The following C12orf54 variants were observed in gnomAD, a reference collection of about 807,000 sequenced individuals.
The protein encoded by C12orf54 is chromosome 12 open reading frame 54, also known as uncharacterized protein C12orf54.
Under a neutral mutation model 26.4 loss-of-function variants are expected in C12orf54, and 24 were observed. The ratio of observed to expected loss-of-function variants is 0.91; its 90% CI spans 0.66 to 1.28. C12orf54 has a LOEUF of 1.28. Among genes scored for constraint, C12orf54 ranks in the 50% most tolerant of loss-of-function variants. The pLI, the probability that C12orf54 is intolerant of heterozygous loss-of-function variation, is 0.00. For synonymous variants in C12orf54, 54 were observed against 47.0 expected, an observed-to-expected ratio of 1.15 and a Z score of -0.61; for missense variants, 154 against 150.9, an observed-to-expected ratio of 1.02 and a Z score of -0.11.
At chr12:48,415,950 A>T in the C12orf54 span, among the ~76,000 whole-genome samples, 1 of 152,160 alleles carries the variant, frequency 6.6e-6, no homozygotes, top group Non-Finnish European at 1.5e-5. Context: ...GACTTCAGTA[A>T]ATGATGTACC....
the C12orf54 span, among the ~76,000 whole-genome samples, chr12:48,440,243 A>G: frequency 6.6e-6 from 1 of 152,090 alleles, no homozygotes; most frequent in Admixed American, 6.5e-5. Flanking sequence ...AAAAGAAAGT[A>G]TTCTTGAGAA....
the C12orf54 span, among the ~76,000 whole-genome samples, chr12:48,429,783 A>G: frequency 1.3e-5 from 2 of 152,190 alleles, no homozygotes; most frequent in Non-Finnish European, 2.9e-5. Context: ...TCAAAATGCC[A>G]TCATCATTCT....
At chr12:48,427,480 A>G in the C12orf54 span, among the ~76,000 whole-genome samples, 6 of 152,104 alleles carry the variant, frequency 3.9e-5, no homozygotes, top group Admixed American at 6.6e-5. Flanking sequence ...TCAGTTTGCT[A>G]GTATTTTGTC....
chr12:48,445,260 C>T, the C12orf54 span, among the ~76,000 whole-genome samples: 1 of 151,854 alleles, frequency 6.6e-6, no homozygotes, highest in Non-Finnish European at 1.5e-5. Context: ...CTTTGCTGCT[C>T]ACCGAGAACA....
the C12orf54 span, among the ~76,000 whole-genome samples, chr12:48,454,734 G>A: frequency 1.3e-5 from 2 of 152,118 alleles, no homozygotes; most frequent in Non-Finnish European, 2.9e-5. Flanking sequence ...TAAATTCCAA[G>A]TATCATATTT....
At chr12:48,473,422 AATCT>A in the C12orf54 span, 1 of 693,862 alleles carries the variant, frequency 1.4e-6, no homozygotes, top group East Asian at 3.5e-5. Flanking sequence ...TAAGTGGAAT[AATCT>A]ATTTTGAAAA....
chr12:48,458,190 C>G, the C12orf54 span, among the ~76,000 whole-genome samples: 5 of 152,196 alleles, frequency 3.3e-5, no homozygotes, highest in Non-Finnish European at 7.3e-5. Context: ...CCAGCCTGAC[C>G]TGCTGGAGTC....
intron 2 of C12orf54, among the ~76,000 whole-genome samples, chr12:48,485,941 T>C (rs1158917320): frequency 1.3e-5 from 2 of 152,146 alleles, no homozygotes; most frequent in African/African-American, 4.8e-5. Context: ...CATTGTTCTA[T>C]GCTTTAGAGT....
At chr12:48,476,416 G>T in the C12orf54 span, among the ~76,000 whole-genome samples, 1 of 152,114 alleles carries the variant, frequency 6.6e-6, no homozygotes, top group African/African-American at 2.4e-5. Flanking sequence ...AAATGTAAAT[G>T]GGCTAAATGC....
At chr12:48,489,115 TCCA>T in intron 5 of C12orf54, 159 bp downstream of exon 5, 1 of 811,710 alleles carries the variant, frequency 1.2e-6, no homozygotes, top group Non-Finnish European at 2.2e-6. Context: ...GACTTGTCAG[TCCA>T]GGCGGCTAAG....
At chr12:48,486,444 G>T in intron 3 of C12orf54, 1 of 622,694 alleles carries the variant, frequency 1.6e-6, no homozygotes, top group Non-Finnish European at 2.9e-6. Flanking sequence ...TGAAAAGATG[G>T]TAAACAAATG....
the C12orf54 span, among the ~76,000 whole-genome samples, chr12:48,475,833 T>G: frequency 6.6e-6 from 1 of 152,146 alleles, no homozygotes; most frequent in African/African-American, 2.4e-5. Context: ...CAGGATATTA[T>G]CCAGGAGAAC....
chr12:48,488,720 A>G (rs1401000774), intron 4 of C12orf54, among the ~76,000 whole-genome samples: 1 of 152,158 alleles, frequency 6.6e-6, no homozygotes, highest in Non-Finnish European at 1.5e-5. Context: ...TTTACCATAC[A>G]GAGAAATTGC....
At chr12:48,425,455 G>A in the C12orf54 span, among the ~76,000 whole-genome samples, 7 of 151,948 alleles carry the variant, frequency 4.6e-5, no homozygotes, top group African/African-American at 1.2e-4. Flanking sequence ...AATGTACCAC[G>A]TTTTCTTTAT....
At chr12:48,414,971 G>A in the C12orf54 span, among the ~76,000 whole-genome samples, 5 of 152,158 alleles carry the variant, frequency 3.3e-5, no homozygotes, top group African/African-American at 1.2e-4. Flanking sequence ...AGTCTAAGGA[G>A]CATAAAAGAT....
chr12:48,440,774 G>T, the C12orf54 span, among the ~76,000 whole-genome samples: 4 of 152,172 alleles, frequency 2.6e-5, no homozygotes, highest in East Asian at 1.9e-4. Flanking sequence ...GATCCCAATT[G>T]TCCTCAGATG....
chr12:48,486,097 G>T, intron 2 of C12orf54, 81 bp from the exon 3 acceptor site: 1 of 1,338,138 alleles, frequency 7.5e-7, no homozygotes, highest in Non-Finnish European at 1.1e-6. Context: ...TTCCTGCTAG[G>T]AGTGATAGAA....
Position 48,488,990 on chromosome 12 carries a change from G to T in C12orf54, c.168+34G>T, listed in dbSNP as rs746270880. On this transcript the variant is annotated intron_variant, in intron 5 of 8. Transcript: ENST00000548364. ...AGATTTTGATTCTCTGAATTCCCCA[G>T]CCCCATCATGTGCCTTGATCCCATT... is the stretch of plus-strand genomic sequence containing the variant. The T allele has an allele frequency of 1.9e-6, 3 of 1,602,364 alleles. No individual in the cohort carries two copies. In the South Asian group the frequency reaches 3.3e-5, roughly 18 times the overall value.
At chr12:48,435,507 G>A in the C12orf54 span, among the ~76,000 whole-genome samples, 3 of 152,216 alleles carry the variant, frequency 2.0e-5, no homozygotes, top group African/African-American at 7.2e-5. Flanking sequence ...AGAGCAGCCA[G>A]AGAGAAAGGT....
Sources: allele counts gnomAD v4.1 joint callset (sites outside exome capture counted in the v4.1 genomes callset), GRCh38; gene constraint gnomAD v4.1.1; transcripts MANE v1.5; gene names NCBI Gene and HGNC (gene_info 2026-07-23, HGNC 2026-07-21).